NRXN3: variants seen among roughly 807,000 people sequenced by gnomAD.
NRXN3 encodes the protein neurexin 3.
In NRXN3, 32 loss-of-function variants were observed where a neutral mutation model predicts 137.6. The ratio of observed to expected loss-of-function variants is 0.23; its 90% CI spans 0.18 to 0.31. NRXN3 has a LOEUF of 0.31. NRXN3 is among the 10% of genes least tolerant of loss of function. The probability of loss-of-function intolerance (pLI) is 1.00; values close to 1 mark genes in which losing one functional copy is unlikely to be tolerated. For synonymous variants in NRXN3, 798 were observed against 784.5 expected (o/e 1.02, Z -0.29); for missense variants, 1,574 against 2,062.5 (o/e 0.76, Z 4.59).
At chr14:79,002,073 C>T (rs948748087) in intron 15 of NRXN3, among the ~76,000 whole-genome samples, 2 of 152,120 alleles carry the variant, frequency 1.3e-5, no homozygotes, top group African/African-American at 4.8e-5. Flanking sequence ...CTATAGTTTC[C>T]TCTAGAGTAG....
chr14:79,445,811 G>T (rs1261453148), intron 15 of NRXN3, among the ~76,000 whole-genome samples: 1 of 152,210 alleles, frequency 6.6e-6, no homozygotes, highest in East Asian at 1.9e-4. Context: ...GGTTGGCAAG[G>T]GTCAGATCAT....
chr14:79,345,304 C>G (rs2092812320), intron 15 of NRXN3, among the ~76,000 whole-genome samples: 1 of 152,106 alleles, frequency 6.6e-6, no homozygotes, highest in Non-Finnish European at 1.5e-5. Context: ...TTTATCATCA[C>G]TTTGACATTA....
chr14:79,411,536 A>G (rs1567051576), intron 15 of NRXN3, among the ~76,000 whole-genome samples: 2 of 152,188 alleles, frequency 1.3e-5, no homozygotes, highest in Non-Finnish European at 2.9e-5. Flanking sequence ...CGACTTGAAT[A>G]AGGAAATGAG....
At chr14:78,435,295 A>C (rs1286518764) in intron 4 of NRXN3, among the ~76,000 whole-genome samples, 3 of 152,170 alleles carry the variant, frequency 2.0e-5, no homozygotes, top group Admixed American at 2.0e-4. Context: ...CTATTGATTG[A>C]GGGTCTGCTG....
At chr14:79,844,132 T>C (rs1250501783) in intron 20 of NRXN3, among the ~76,000 whole-genome samples, 2 of 152,038 alleles carry the variant, frequency 1.3e-5, no homozygotes, top group African/African-American at 4.8e-5. Context: ...ATACCACTAT[T>C]AAAGTTTTAT....
chr14:79,757,757 T>C (rs1322539597), intron 19 of NRXN3, among the ~76,000 whole-genome samples: 2 of 152,296 alleles, frequency 1.3e-5, no homozygotes, highest in East Asian at 3.9e-4. Context: ...TTTCTTCTTA[T>C]GTGAGATGAA....
At chr14:78,437,111 G>A (rs1272743565) in intron 4 of NRXN3, among the ~76,000 whole-genome samples, 1 of 152,132 alleles carries the variant, frequency 6.6e-6, no homozygotes, top group Admixed American at 6.5e-5. Flanking sequence ...TCAAGAGGCT[G>A]TCCTTTGGAA....
chr14:79,072,558 G>A (rs2099689313), intron 15 of NRXN3: 1 of 152,130 alleles, frequency 6.6e-6, no homozygotes, highest in Non-Finnish European at 1.5e-5. Flanking sequence ...TACAATTTTT[G>A]TGGTTTTAAA....
intron 3 of NRXN3, among the ~76,000 whole-genome samples, chr14:78,288,044 A>C (rs2075371612): frequency 1.3e-5 from 2 of 151,876 alleles, no homozygotes; most frequent in African/African-American, 2.4e-5. Flanking sequence ...CAGTGGCGCA[A>C]TCTCAGCTCA....
At chr14:79,478,246 G>T (rs924721222) in intron 16 of NRXN3, among the ~76,000 whole-genome samples, 1 of 150,020 alleles carries the variant, frequency 6.7e-6, no homozygotes, top group Non-Finnish European at 1.5e-5. Context: ...CAAGATAAAG[G>T]AGGAAAGGAA....
chr14:79,150,661 T>A (rs2059716740), intron 15 of NRXN3, among the ~76,000 whole-genome samples: 1 of 149,580 alleles, frequency 6.7e-6, no homozygotes, highest in Non-Finnish European at 1.5e-5. Flanking sequence ...AAGCTAAAAA[T>A]AAGAGCTGCT....
chr14:79,605,554 G>A (rs2097998355), intron 16 of NRXN3, among the ~76,000 whole-genome samples: 1 of 151,902 alleles, frequency 6.6e-6, no homozygotes, highest in Non-Finnish European at 1.5e-5. Context: ...GTGGCATGAT[G>A]TCAGCTCACT....
rs1310056387 is a variant in NRXN3, at chr14:79,647,190, A to G, written c.3445-16588A>G. 2.9e-5 allele frequency among the ~76,000 whole-genome samples: 4 copies of G among 135,862 alleles called. 1 individual carries two copies. Among genetic ancestry groups the G allele is most frequent in the Non-Finnish European group, 6.8e-5 (4 of 58,412 alleles). The allele number at this position is 135,862 out of a possible 152,430, so 89.1% of individuals were successfully genotyped here. A position where few individuals can be genotyped will look rare whatever the true frequency, so the allele number is the denominator to read the frequency against. On this transcript the variant is annotated intron_variant, in intron 16 of 20. Transcript: ENST00000335750. ...GCAATTTTGTTTTTCTGGCTCTTAT[A>G]TTGCAATGAATATTTTTTATTTGAC...
chr14:78,701,413 T>C (rs1254111083), intron 6 of NRXN3, among the ~76,000 whole-genome samples: 1 of 152,226 alleles, frequency 6.6e-6, no homozygotes, highest in African/African-American at 2.4e-5. Flanking sequence ...CTGTGATTCA[T>C]GAGGGCAGAA....
intron 16 of NRXN3, among the ~76,000 whole-genome samples, chr14:79,491,737 T>A (rs1448598918): frequency 6.6e-6 from 1 of 152,116 alleles, no homozygotes; most frequent in East Asian, 1.9e-4. Flanking sequence ...GATGGACTAG[T>A]GGCAAGACTT....
At chr14:78,897,977 A>G (rs1331777648) in intron 10 of NRXN3, among the ~76,000 whole-genome samples, 20 of 151,946 alleles carry the variant, frequency 1.3e-4, no homozygotes, top group Admixed American at 1.3e-3. Flanking sequence ...TAGTTTTGTC[A>G]GTTTTGATGT....
chr14:79,490,038 C>CAA lies in NRXN3; in HGVS notation c.3444+22657_3444+22658dup, dbSNP rs370581169. Among the ~76,000 whole-genome samples, 682 of 72,684 alleles carry CAA rather than the reference C, an allele frequency of 9.4e-3. 14 individuals are homozygous for CAA. The highest frequency in any genetic ancestry group is 0.023 in the African/African-American group (452 of 19,900). The allele number at this position is 72,684 out of a possible 152,430, so 47.7% of individuals were successfully genotyped here. On this transcript the variant is annotated intron_variant, in intron 16 of 20. Coordinates refer to ENST00000335750, the MANE Select transcript of NRXN3 (RefSeq NM_001330195.2). ...TGGGGGACAGAGCAATACTCCATCTCAAAAAAAAAAAAAAAAAAAAAATCT... is the reference window on the plus strand; with the variant it reads ...TGGGGGACAGAGCAATACTCCATCTCAAAAAAAAAAAAAAAAAAAAAAAATCT...
intron 16 of NRXN3, among the ~76,000 whole-genome samples, chr14:79,507,686 C>T (rs2096891449): frequency 6.6e-6 from 1 of 152,084 alleles, no homozygotes; most frequent in South Asian, 2.1e-4. Context: ...TTTGCTGGCC[C>T]TGCCTCAATC....
At position 79,665,558 on chromosome 14, in the gene NRXN3, GA is replaced by G. The variant is rs576146819; in HGVS notation, c.3616+1616del. Among the ~76,000 whole-genome samples, 524 of 152,170 alleles carry G rather than the reference GA, an allele frequency of 3.4e-3. 5 individuals carry two copies. The highest frequency in any genetic ancestry group is 0.012 in the African/African-American group (505 of 41,548). On this transcript the variant is annotated intron_variant, in intron 17 of 20. Transcript: ENST00000335750. The stretch of plus-strand genomic sequence containing the variant: ...CTTAAAAGCTGTTCATAGGCTCATA[GA>G]AAAAAATCAATCTCTCTCTCCATAT...
Sources: allele counts gnomAD v4.1 joint callset (sites outside exome capture counted in the v4.1 genomes callset), GRCh38; gene constraint gnomAD v4.1.1; transcripts MANE v1.5; gene names NCBI Gene and HGNC (gene_info 2026-07-23, HGNC 2026-07-21).